Variants in E2F3 observed in about 807,000 individuals in gnomAD.
E2F3 encodes transcription factor E2F3.
A neutral mutation model predicts 44.4 loss-of-function variants in E2F3; 11 were observed. The observed-to-expected ratio is 0.25, with a 90% CI of 0.16 to 0.41. The LOEUF (loss-of-function observed/expected upper bound fraction) is 0.41, where lower values mean the gene tolerates loss of function less well. E2F3 is among the 10% of genes least tolerant of loss of function. The pLI is 1.00. For synonymous variants in E2F3, 249 were observed against 253.0 expected (o/e 0.98, Z 0.15); for missense variants, 487 against 583.6 (o/e 0.83, Z 1.70).
intron 1 of E2F3, among the ~76,000 whole-genome samples, chr6:20,407,520 G>A (rs989783584): frequency 6.6e-6 from 1 of 152,318 alleles, no homozygotes; most frequent in Non-Finnish European, 1.5e-5. Flanking sequence ...AAGCCTAGAC[G>A]TGCATAAATA....
At chr6:20,462,085 T>C (rs933806936) in intron 1 of E2F3, among the ~76,000 whole-genome samples, 3 of 152,224 alleles carry the variant, frequency 2.0e-5, no homozygotes, top group African/African-American at 7.2e-5. Flanking sequence ...TCTCTTGGGT[T>C]ATATGTTCTT....
At chr6:20,449,126 A>G (rs1761043441) in intron 1 of E2F3, among the ~76,000 whole-genome samples, 1 of 152,210 alleles carries the variant, frequency 6.6e-6, no homozygotes, top group Non-Finnish European at 1.5e-5. Flanking sequence ...GAAAATGTAC[A>G]TGTAAAGAAA....
At chr6:20,462,314 A>T (rs1245381769) in intron 1 of E2F3, among the ~76,000 whole-genome samples, 2 of 152,126 alleles carry the variant, frequency 1.3e-5, no homozygotes, top group Admixed American at 6.5e-5. Flanking sequence ...ACAGTTTATT[A>T]AATTGTCCAT....
intron 1 of E2F3, among the ~76,000 whole-genome samples, chr6:20,476,966 G>A (rs1274225312): frequency 1.3e-5 from 2 of 152,168 alleles, no homozygotes; most frequent in African/African-American, 4.8e-5. Context: ...GATAAGGTGT[G>A]CCACTGAGGC....
intron 1 of E2F3, among the ~76,000 whole-genome samples, chr6:20,452,898 G>A (rs1761177741): frequency 6.6e-6 from 1 of 152,060 alleles, no homozygotes; most frequent in Non-Finnish European, 1.5e-5. Flanking sequence ...AGGTTGCAGT[G>A]AGCCGAGATC....
intron 1 of E2F3, among the ~76,000 whole-genome samples, chr6:20,460,996 CAAAAAAAAAAAAAAA>C (rs61306918): frequency 7.2e-5 from 4 of 55,488 alleles, no homozygotes; most frequent in African/African-American, 3.0e-4. Flanking sequence ...ACTCTATCTC[CAAAAAAAAAAAAAAA>C]AAAAAAAAAA....
At chr6:20,475,837 C>T (rs1017496762) in intron 1 of E2F3, among the ~76,000 whole-genome samples, 1 of 152,176 alleles carries the variant, frequency 6.6e-6, no homozygotes, top group African/African-American at 2.4e-5. Context: ...CTCTATGTCT[C>T]CTTAGATTGC....
intron 1 of E2F3, among the ~76,000 whole-genome samples, chr6:20,431,427 G>C (rs1196796138): frequency 6.6e-6 from 1 of 152,168 alleles, no homozygotes; most frequent in African/African-American, 2.4e-5. Flanking sequence ...TGCTGACGGT[G>C]TCCTGCCTCA....
At chr6:20,482,232 A>G (rs1325699920) in intron 3 of E2F3, among the ~76,000 whole-genome samples, 1 of 152,066 alleles carries the variant, frequency 6.6e-6, no homozygotes, top group Non-Finnish European at 1.5e-5. Flanking sequence ...CAGTTCTTGC[A>G]TACATCACAT....
intron 1 of E2F3, chr6:20,439,977 C>T (rs926427436): frequency 6.6e-6 from 1 of 152,170 alleles, no homozygotes; most frequent in African/African-American, 2.4e-5. Flanking sequence ...TGATTATAGA[C>T]TTCGATGGAG....
chr6:20,488,088 G>A (rs749764980), intron 5 of E2F3, 25 bp from the exon 6 acceptor site: 14 of 1,610,140 alleles, frequency 8.7e-6, no homozygotes, highest in African/African-American at 4.0e-5. Context: ...CTTCTGATTC[G>A]AACTTCTCCC....
intron 1 of E2F3, among the ~76,000 whole-genome samples, chr6:20,449,531 T>C (rs1315267895): frequency 6.6e-6 from 1 of 152,196 alleles, no homozygotes; most frequent in African/African-American, 2.4e-5. Flanking sequence ...TGCAGGTATA[T>C]CTGTAGGGTA....
rs928285807 is a variant in E2F3 at position 20,401,894 on chromosome 6, C to T, written c.-339C>T. On this transcript the variant is annotated 5_prime_UTR_variant, in exon 1 of 7. Transcript: ENST00000346618. ...GTATCCCTTCATTCATTGTCAGCAG[C>T]AGCTTCCTGGAGCCATTTTTCAGCT... is the stretch of plus-strand genomic sequence containing the variant. 8 of 375,178 alleles carry T rather than the reference C, an allele frequency of 2.1e-5. No individual in the cohort carries two copies. Among genetic ancestry groups the T allele is most frequent in the African/African-American group, 1.0e-4 (5 of 47,620 alleles). 23.2% of individuals were successfully genotyped at this position (375,178 alleles called of 1,614,324 possible).
At position 20,424,973 on chromosome 6, in the gene E2F3, G is replaced by A. The variant is rs184661457; in HGVS notation, c.393+22348G>A. On this transcript the variant is annotated intron_variant, in intron 1 of 6. Coordinates refer to ENST00000346618, the MANE Select transcript of E2F3 (RefSeq NM_001949.5). Reference sequence around the variant, plus strand: ...ACGTGGGGTTTTCTCACATGACGAGGGCAGGCCATTGTCTAGGGCGGGTTA... The same window carrying A: ...ACGTGGGGTTTTCTCACATGACGAGAGCAGGCCATTGTCTAGGGCGGGTTA... 2.6e-3 allele frequency among the ~76,000 whole-genome samples: 391 copies of A among 152,260 alleles called. 3 individuals carry two copies. The highest frequency in any genetic ancestry group is 8.2e-3 in the African/African-American group (339 of 41,542).
chr6:20,445,047 T>C, intron 1 of E2F3: 2 of 985,180 alleles, frequency 2.0e-6, no homozygotes, highest in East Asian at 1.1e-4. Context: ...TTTAAGCATT[T>C]GGACCAATAA....
intron 2 of E2F3, among the ~76,000 whole-genome samples, chr6:20,480,996 C>G (rs1762204945): frequency 6.6e-6 from 1 of 152,090 alleles, no homozygotes; most frequent in African/African-American, 2.4e-5. Context: ...TTTAATCAAA[C>G]CCTGGAATTT....
chr6:20,490,351 A>T lies in E2F3; in HGVS notation c.1319A>T (p.Glu440Val), dbSNP rs1248734283. 3 of 1,613,500 alleles carry T rather than the reference A, an allele frequency of 1.9e-6. No individual in the cohort carries two copies. Among genetic ancestry groups the T allele is most frequent in the Non-Finnish European group, 2.5e-6 (3 of 1,179,774 alleles). ...LQEDYLLSLG[E>V]EEGISDLFDA... ...GAGGACTATCTCCTGAGCCTCGGGG[A>T]GGAGGAAGGCATCAGCGATCTCTTC... The change falls in exon 7 of 7, where the codon GAG becomes GTG. Residue 440 changes from glutamate to valine, a missense_variant. Physicochemically the swap from Glu to Val is moderately radical, Grantham distance 121. Coordinates refer to ENST00000346618, the MANE Select transcript of E2F3 (RefSeq NM_001949.5). The surrounding 1 kb of genome is among the most constrained non-coding windows in gnomAD (Gnocchi z 4.3).
At position 20,481,294 on chromosome 6, in the gene E2F3, C is replaced by T. The variant is rs181603569; in HGVS notation, c.594C>T (p.Pro198=). ...KKFIQLLSQS[P]DGVLDLNKAA... ...TCATTCAGCTCCTGAGCCAGTCACCCGATGGGGTATTGGATTTGAACAAGG... is the reference window on the plus strand; with the variant it reads ...TCATTCAGCTCCTGAGCCAGTCACCTGATGGGGTATTGGATTTGAACAAGG... Residue 198 remains proline (P), a synonymous_variant, in exon 3 of 7, where the codon CCC becomes CCT. Coordinates refer to ENST00000346618, the MANE Select transcript of E2F3 (RefSeq NM_001949.5). The T allele has an allele frequency of 3.7e-5, 59 of 1,614,028 alleles. No homozygotes were observed. The South Asian group carries it at 5.1e-4, about 14-fold the overall frequency.
intron 1 of E2F3, among the ~76,000 whole-genome samples, chr6:20,470,665 G>T (rs1449230945): frequency 6.6e-6 from 1 of 152,092 alleles, no homozygotes; most frequent in Admixed American, 6.6e-5. Flanking sequence ...GAGACAAAAG[G>T]TATCATCTAT....
Sources: gnomAD v4.1 joint callset for allele counts (sites outside exome capture counted in the v4.1 genomes callset) on GRCh38, gnomAD v4.1.1 for gene constraint, Gnocchi (gnomAD v3.1) non-coding constraint, MANE v1.5 for transcripts, NCBI Gene and HGNC (gene_info 2026-07-23, HGNC 2026-07-21) for gene names.